Variants in BAALC observed in about 807,000 individuals in gnomAD.
The protein encoded by BAALC is brain and acute leukemia cytoplasmic protein.
A neutral mutation model predicts 15.5 loss-of-function variants in BAALC; 9 were observed. That is an observed-to-expected ratio of 0.58 (90% CI 0.35 to 1.02). The LOEUF is 1.02. Among genes scored for constraint, BAALC ranks in the 50% least tolerant of loss-of-function variants. BAALC has a pLI of 0.02. For missense variants in BAALC, 201 were observed against 192.4 expected (o/e 1.04, Z -0.27); for synonymous variants, 80 against 74.6 (o/e 1.07, Z -0.37).
chr8:103,173,277 T>G (rs1361057171), intron 1 of BAALC, among the ~76,000 whole-genome samples: 1 of 152,170 alleles, frequency 6.6e-6, no homozygotes, highest in Non-Finnish European at 1.5e-5. Flanking sequence ...CCTGCACGGG[T>G]GATGATTCAA....
intron 1 of BAALC, among the ~76,000 whole-genome samples, chr8:103,165,273 G>A (rs2129920218): frequency 6.6e-6 from 1 of 152,266 alleles, no homozygotes; most frequent in African/African-American, 2.4e-5. Flanking sequence ...TTTTCTACAG[G>A]AGAGCCATTG....
chr8:103,193,031 C>T (rs900357875), intron 1 of BAALC, among the ~76,000 whole-genome samples: 6 of 151,934 alleles, frequency 3.9e-5, no homozygotes, highest in East Asian at 1.9e-4. Context: ...TAGAACTCCA[C>T]GATCTGCAAC....
intron 1 of BAALC, among the ~76,000 whole-genome samples, chr8:103,196,576 T>C (rs1172357716): frequency 1.3e-5 from 2 of 152,222 alleles, no homozygotes; most frequent in Admixed American, 6.5e-5. Context: ...ACACCACACC[T>C]GGCCAGATTT....
chr8:103,149,141 C>T (rs2129863132), intron 1 of BAALC, among the ~76,000 whole-genome samples: 1 of 150,404 alleles, frequency 6.6e-6, no homozygotes, highest in South Asian at 2.1e-4. Flanking sequence ...GTCCATTGTG[C>T]TGTGCTGCTA....
intron 2 of BAALC, 92 bp from the exon 3 acceptor site, chr8:103,227,897 C>T: frequency 3.6e-6 from 3 of 833,786 alleles, no homozygotes; most frequent in Admixed American, 2.2e-5. Flanking sequence ...AACTATGGCA[C>T]AATAAACCTC....
intron 1 of BAALC, among the ~76,000 whole-genome samples, chr8:103,200,073 G>A (rs1349143441): frequency 1.3e-5 from 2 of 152,182 alleles, no homozygotes; most frequent in African/African-American, 4.8e-5. Context: ...GGGCATTTAA[G>A]TGGATTCCAT....
At chr8:103,224,072 G>T (rs941427771) in intron 2 of BAALC, among the ~76,000 whole-genome samples, 10 of 151,840 alleles carry the variant, frequency 6.6e-5, no homozygotes. Context: ...CCTTCACAAC[G>T]CTTTGTGCGT....
At chr8:103,185,646 A>G (rs2129986180) in intron 1 of BAALC, among the ~76,000 whole-genome samples, 1 of 152,356 alleles carries the variant, frequency 6.6e-6, no homozygotes, top group East Asian at 1.9e-4. Flanking sequence ...GAGACCAATG[A>G]CACCTCACTG....
At chr8:103,220,507 G>A (rs1015689748) in intron 2 of BAALC, among the ~76,000 whole-genome samples, 63 of 152,254 alleles carry the variant, frequency 4.1e-4, no homozygotes, top group African/African-American at 1.5e-3. Flanking sequence ...TGTCTATTAT[G>A]CGACAGGCAC....
intron 1 of BAALC, chr8:103,183,521 A>G (rs929436511): frequency 1.0e-5 from 7 of 693,000 alleles, no homozygotes; most frequent in Non-Finnish European, 2.6e-6. Context: ...GTATGGGACA[A>G]CTCTGCAAAA....
chr8:103,163,019 CAAA>C (rs1811263659), intron 1 of BAALC, among the ~76,000 whole-genome samples: 1 of 152,126 alleles, frequency 6.6e-6, no homozygotes. Context: ...ACTCTTATCA[CAAA>C]GAGTACCAAT....
At chr8:103,157,096 T>C (rs937514455) in intron 1 of BAALC, 1 of 151,076 alleles carries the variant, frequency 6.6e-6, no homozygotes, top group African/African-American at 2.4e-5. Flanking sequence ...AAAAGTTATA[T>C]GAAAAGGTGA....
At chr8:103,212,743 T>C (rs1164160278) in intron 1 of BAALC, among the ~76,000 whole-genome samples, 176 bp from the exon 2 acceptor site, 1 of 152,214 alleles carries the variant, frequency 6.6e-6, no homozygotes, top group African/African-American at 2.4e-5. Context: ...TGTTTTAAAA[T>C]CTCCTTTTTG....
At chr8:103,161,918 A>G (rs2129907756) in intron 1 of BAALC, among the ~76,000 whole-genome samples, 2 of 151,920 alleles carry the variant, frequency 1.3e-5, no homozygotes, top group East Asian at 3.9e-4. Context: ...TTTCTGCCCT[A>G]TATACAATCT....
At chr8:103,210,350 G>A (rs968582183) in intron 1 of BAALC, among the ~76,000 whole-genome samples, 1 of 152,204 alleles carries the variant, frequency 6.6e-6, no homozygotes, top group Non-Finnish European at 1.5e-5. Flanking sequence ...TCAATGTTTT[G>A]AATTCTGATT....
chr8:103,209,046 C>T (rs80352449), intron 1 of BAALC, among the ~76,000 whole-genome samples: 2 of 152,166 alleles, frequency 1.3e-5, no homozygotes, highest in East Asian at 3.9e-4. Flanking sequence ...ACCTTTGACC[C>T]GGGTACCAAG....
chr8:103,182,407 G>A (rs1494271), intron 1 of BAALC, among the ~76,000 whole-genome samples: 17,863 of 152,232 alleles, frequency 0.12, 1,314 homozygotes, highest in East Asian at 0.34. Context: ...ACAGAAAGAC[G>A]TAACATGTGG....
At chr8:103,227,671 T>C (rs375936333) in intron 2 of BAALC, among the ~76,000 whole-genome samples, 6 of 152,230 alleles carry the variant, frequency 3.9e-5, no homozygotes, top group African/African-American at 1.4e-4. Context: ...TCCCCTCCTT[T>C]CACACATAAA....
chr8:103,149,980 C>T (rs757466868), intron 1 of BAALC, among the ~76,000 whole-genome samples: 69 of 152,062 alleles, frequency 4.5e-4, no homozygotes, highest in African/African-American at 1.5e-3. Context: ...TTCATGCTGC[C>T]GACGAAGACA....
Sources: allele counts gnomAD v4.1 joint callset (sites outside exome capture counted in the v4.1 genomes callset), GRCh38; gene constraint gnomAD v4.1.1; transcripts MANE v1.5; gene names NCBI Gene and HGNC (gene_info 2026-07-23, HGNC 2026-07-21).